Variants in ADAM18 observed in about 807,000 individuals in gnomAD.
ADAM18 encodes the protein ADAM metallopeptidase domain 18.
A neutral mutation model predicts 94.4 loss-of-function variants in ADAM18; 117 were observed. That is an observed-to-expected ratio of 1.24 (90% CI 1.07 to 1.45). The LOEUF (loss-of-function observed/expected upper bound fraction) is 1.45. Among genes scored for constraint, ADAM18 ranks in the 40% most tolerant of loss-of-function variants. The pLI, the probability that ADAM18 is intolerant of heterozygous loss-of-function variation, is 0.00. For synonymous variants in ADAM18, 327 were observed against 291.6 expected, an observed-to-expected ratio of 1.12 and a Z score of -1.24; for missense variants, 936 against 880.0, an observed-to-expected ratio of 1.06 and a Z score of -0.81.
chr8:39,627,870 T>G (rs969651556), intron 6 of ADAM18, among the ~76,000 whole-genome samples: 2 of 152,162 alleles, frequency 1.3e-5, no homozygotes, highest in African/African-American at 4.8e-5. Flanking sequence ...TGTTTTAAGA[T>G]GTACAACTCC....
chr8:39,686,242 T>A (rs73607999), intron 16 of ADAM18, among the ~76,000 whole-genome samples: 5,705 of 152,258 alleles, frequency 0.037, 274 homozygotes, highest in African/African-American at 0.12. Context: ...CGGTACCAAT[T>A]TCTGTCTTAG....
intron 10 of ADAM18, among the ~76,000 whole-genome samples, chr8:39,643,269 T>C (rs929283099): frequency 7.2e-5 from 11 of 152,168 alleles, no homozygotes; most frequent in African/African-American, 2.7e-4. Flanking sequence ...TTCTTTCTCT[T>C]GCCTGATTGC....
At position 39,648,875 on chromosome 8, in the gene ADAM18, C is replaced by G. The variant is rs374072193; in HGVS notation, c.1230+348C>G. Among the ~76,000 whole-genome samples the G allele has an allele frequency of 2.6e-5, 4 of 152,068 alleles. No homozygotes were observed. In the East Asian group the frequency reaches 5.8e-4, roughly 22 times the overall value. On this transcript the variant is annotated intron_variant, in intron 12 of 19. Coordinates refer to ENST00000265707, the MANE Select transcript of ADAM18 (RefSeq NM_014237.3). ...TCTACAAACTTTTACTAAATGTGATCCAAATTTTTCCCTATCTCTTGTTCT... is the reference window on the plus strand; with the variant it reads ...TCTACAAACTTTTACTAAATGTGATGCAAATTTTTCCCTATCTCTTGTTCT...
intron 12 of ADAM18, among the ~76,000 whole-genome samples, chr8:39,656,456 G>GT (rs1820687288): frequency 2.0e-5 from 3 of 152,036 alleles, no homozygotes; most frequent in Admixed American, 2.0e-4. Flanking sequence ...TACCTATTTG[G>GT]TTTATATATA....
Position 39,703,151 on chromosome 8 carries a change from G to A in ADAM18, c.1903-3639G>A, listed in dbSNP as rs563478798. On this transcript the variant is annotated intron_variant, in intron 17 of 19. Coordinates refer to ENST00000265707, the MANE Select transcript of ADAM18 (RefSeq NM_014237.3). ...TTTTCTATTTATTTGTGTCATCTGC[G>A]ATTTCTTTGAGCAATGTTTTGTAGT... is the stretch of plus-strand genomic sequence containing the variant. 4.6e-4 allele frequency among the ~76,000 whole-genome samples: 70 copies of A among 152,136 alleles called. 1 individual carries two copies. The South Asian group carries it at 0.011, about 23-fold the overall frequency.
intron 15 of ADAM18, among the ~76,000 whole-genome samples, chr8:39,677,990 C>G (rs1422510975): frequency 6.6e-6 from 1 of 152,104 alleles, no homozygotes; most frequent in African/African-American, 2.4e-5. Flanking sequence ...TAAATTCAGA[C>G]TATTGGGACA....
intron 7 of ADAM18, among the ~76,000 whole-genome samples, chr8:39,633,198 C>G (rs1250535772): frequency 6.6e-6 from 1 of 152,164 alleles, no homozygotes; most frequent in Admixed American, 6.5e-5. Context: ...CTGTCATATT[C>G]TGTCATAGCA....
intron 10 of ADAM18, among the ~76,000 whole-genome samples, chr8:39,645,012 T>C (rs975245354): frequency 3.9e-5 from 6 of 152,178 alleles, no homozygotes; most frequent in Non-Finnish European, 5.9e-5. Context: ...GTACACTGAA[T>C]TGATATCTAT....
At chr8:39,599,075 C>T (rs751613499) in intron 2 of ADAM18, among the ~76,000 whole-genome samples, 6 of 152,156 alleles carry the variant, frequency 3.9e-5, no homozygotes, top group Middle Eastern at 3.4e-3. Context: ...CTTCCCAAAG[C>T]GCTAGGATTA....
intron 6 of ADAM18, among the ~76,000 whole-genome samples, chr8:39,621,362 A>G (rs956430860): frequency 1.4e-5 from 2 of 140,972 alleles, no homozygotes; most frequent in Non-Finnish European, 3.1e-5. Flanking sequence ...CACACACTGT[A>G]CCCATGTCAA....
chr8:39,723,614 G>T lies in ADAM18; in HGVS notation c.2018-134G>T, dbSNP rs554406990. ...ATATAGCACTGTAGTTTGCATTTAT[G>T]TTCTATTTTTCCTAGTAGTTTGCAA... On this transcript the variant is annotated intron_variant, in intron 18 of 19. Transcript: ENST00000265707. 164 of 541,564 alleles carry T rather than the reference G, an allele frequency of 3.0e-4. No homozygotes were observed. In the African/African-American group the frequency reaches 3.1e-3, roughly 10 times the overall value. The allele number at this position is 541,564 out of a possible 1,614,324, so 33.5% of individuals were successfully genotyped here. A position where few individuals can be genotyped will look rare whatever the true frequency, so the allele number is the denominator to read the frequency against.
intron 6 of ADAM18, among the ~76,000 whole-genome samples, chr8:39,628,950 C>T (rs1269932045): frequency 1.3e-5 from 2 of 151,918 alleles, no homozygotes; most frequent in African/African-American, 4.8e-5. Flanking sequence ...ACAATATTTA[C>T]CTGAATTTCA....
intron 13 of ADAM18, among the ~76,000 whole-genome samples, chr8:39,666,640 A>G (rs1448783232): frequency 6.6e-6 from 1 of 152,196 alleles, no homozygotes; most frequent in Non-Finnish European, 1.5e-5. Context: ...TGAAAGGCAC[A>G]TCTCACATGG....
intron 16 of ADAM18, among the ~76,000 whole-genome samples, chr8:39,690,203 G>A (rs1486331478): frequency 6.6e-6 from 1 of 152,194 alleles, no homozygotes; most frequent in African/African-American, 2.4e-5. Context: ...AGGAGATGGT[G>A]GAGTCATGGG....
chr8:39,649,179 C>T (rs974630914), intron 12 of ADAM18, among the ~76,000 whole-genome samples: 5 of 152,034 alleles, frequency 3.3e-5, no homozygotes, highest in African/African-American at 1.2e-4. Context: ...AACAGTTACA[C>T]GAATTCCTCC....
chr8:39,637,213 T>C (rs1820103663), intron 7 of ADAM18, 51 bp from the exon 8 acceptor site: 6 of 1,342,800 alleles, frequency 4.5e-6, no homozygotes, highest in South Asian at 1.3e-5. Flanking sequence ...ATCATTTCAT[T>C]CACATGGATT....
intron 16 of ADAM18, among the ~76,000 whole-genome samples, chr8:39,685,963 T>C (rs1394066564): frequency 2.6e-5 from 4 of 152,152 alleles, no homozygotes; most frequent in African/African-American, 7.2e-5. Context: ...TCATTTCAAT[T>C]GAGACCTCAT....
intron 16 of ADAM18, among the ~76,000 whole-genome samples, chr8:39,683,256 A>C (rs2129580630): frequency 6.6e-6 from 1 of 152,318 alleles, no homozygotes; most frequent in South Asian, 2.1e-4. Context: ...TCTGACAACC[A>C]CGTGACAAAT....
chr8:39,686,370 G>A (rs775463114), intron 16 of ADAM18, among the ~76,000 whole-genome samples: 8 of 152,190 alleles, frequency 5.3e-5, no homozygotes, highest in South Asian at 2.1e-4. Flanking sequence ...AGCAGATTTA[G>A]TGCCTGGTTA....
Sources: allele counts gnomAD v4.1 joint callset (sites outside exome capture counted in the v4.1 genomes callset), GRCh38; gene constraint gnomAD v4.1.1; transcripts MANE v1.5; gene names NCBI Gene and HGNC (gene_info 2026-07-23, HGNC 2026-07-21).